Variants in ST8SIA6 observed in about 807,000 individuals in gnomAD.
ST8SIA6 encodes the protein ST8 alpha-N-acetyl-neuraminide alpha-2,8-sialyltransferase 6, also known as alpha-2,8-sialyltransferase 8F.
Under a neutral mutation model 33.6 loss-of-function variants are expected in ST8SIA6, and 39 were observed. The observed-to-expected ratio is 1.16, with a 90% CI of 0.90 to 1.52. ST8SIA6 has a LOEUF of 1.52. Ranked by LOEUF, ST8SIA6 falls within the 40% of genes most tolerant of loss-of-function variation. ST8SIA6 has a pLI of 0.00. For synonymous variants in ST8SIA6, 172 were observed against 167.2 expected, an observed-to-expected ratio of 1.03 and a Z score of -0.22; for missense variants, 441 against 443.8, an observed-to-expected ratio of 0.99 and a Z score of 0.06.
chr10:17,421,342 A>G (rs1201670076), intron 2 of ST8SIA6, among the ~76,000 whole-genome samples: 2 of 152,132 alleles, frequency 1.3e-5, no homozygotes, highest in Admixed American at 6.5e-5. Flanking sequence ...GCACTTCCTA[A>G]TAAGTGTCCT....
chr10:17,401,654 A>G (rs2131679479), intron 2 of ST8SIA6, among the ~76,000 whole-genome samples: 1 of 152,368 alleles, frequency 6.6e-6, no homozygotes, highest in Middle Eastern at 3.4e-3. Context: ...GATCTTTGAC[A>G]AACCTGACAA....
chr10:17,337,659 C>A (rs562219539), intron 4 of ST8SIA6, among the ~76,000 whole-genome samples: 7 of 152,278 alleles, frequency 4.6e-5, no homozygotes, highest in African/African-American at 1.2e-4. Flanking sequence ...CTGCTTACAA[C>A]AAATAAAACA....
At chr10:17,434,305 C>T (rs923399487) in intron 2 of ST8SIA6, among the ~76,000 whole-genome samples, 54 of 152,172 alleles carry the variant, frequency 3.5e-4, no homozygotes, top group African/African-American at 1.2e-3. Context: ...CACTGCAGAT[C>T]TGGACCTAGC....
intron 3 of ST8SIA6, among the ~76,000 whole-genome samples, chr10:17,389,948 A>C (rs951731211): frequency 6.6e-6 from 1 of 152,058 alleles, no homozygotes; most frequent in African/African-American, 2.4e-5. Flanking sequence ...CAACCTCCTG[A>C]GTAGCTGAAA....
intron 2 of ST8SIA6, among the ~76,000 whole-genome samples, chr10:17,439,271 CTT>C (rs146928120): frequency 0.04 from 4,980 of 124,180 alleles, 251 homozygotes; most frequent in African/African-American, 0.14. Flanking sequence ...TCTTCCCTCT[CTT>C]TTTTTTTTTT....
intron 2 of ST8SIA6, among the ~76,000 whole-genome samples, chr10:17,400,330 G>A (rs567000042): frequency 2.1e-3 from 323 of 152,228 alleles, no homozygotes; most frequent in African/African-American, 7.4e-3. Context: ...GTCAGAGTTC[G>A]AGACCAGCCT....
At chr10:17,361,090 C>CTA (rs1849372073) in intron 3 of ST8SIA6, among the ~76,000 whole-genome samples, 1 of 151,918 alleles carries the variant, frequency 6.6e-6, no homozygotes, top group African/African-American at 2.4e-5. Context: ...GTTAGAAGGG[C>CTA]TATATTCATA....
intron 5 of ST8SIA6, 92 bp from the exon 6 acceptor site, chr10:17,327,218 AT>A (rs1848161610): frequency 1.1e-6 from 1 of 899,360 alleles, no homozygotes; most frequent in African/African-American, 1.7e-5. Context: ...CTCTTTATAC[AT>A]GCTAAGGAGA....
At chr10:17,329,658 CAT>C (rs1434920720) in intron 5 of ST8SIA6, among the ~76,000 whole-genome samples, 1 of 152,146 alleles carries the variant, frequency 6.6e-6, no homozygotes, top group African/African-American at 2.4e-5. Flanking sequence ...CTGAAGGAAA[CAT>C]ATCTCAAATT....
intron 4 of ST8SIA6, among the ~76,000 whole-genome samples, chr10:17,337,285 T>C (rs990303773): frequency 2.6e-5 from 4 of 152,158 alleles, no homozygotes; most frequent in African/African-American, 9.7e-5. Flanking sequence ...CTCTTTTCCT[T>C]ATAAATTACC....
chr10:17,399,197 A>C (rs1477756983), intron 2 of ST8SIA6: 3 of 152,200 alleles, frequency 2.0e-5, no homozygotes, highest in African/African-American at 7.2e-5. Context: ...TCTGTGCCAG[A>C]GAATGGTAAG....
intron 2 of ST8SIA6, among the ~76,000 whole-genome samples, chr10:17,394,947 T>G (rs992541136): frequency 6.6e-6 from 1 of 152,170 alleles, no homozygotes; most frequent in East Asian, 1.9e-4. Flanking sequence ...TGGGCTGATT[T>G]GTAAGCCCAG....
Position 17,341,234 on chromosome 10 carries a change from A to T in ST8SIA6, c.378-9682T>A, listed in dbSNP as rs573786861. Among the ~76,000 whole-genome samples, 31 of 152,332 alleles carry T rather than the reference A, an allele frequency of 2.0e-4. 1 individual carries two copies. The highest frequency in any genetic ancestry group is 7.5e-4 in the African/African-American group (31 of 41,564). On this transcript the variant is annotated intron_variant, in intron 4 of 7. Transcript: ENST00000377602. ...ATACAACTCTATAATGTTCAAAACC[A>T]TGCCTAGTGTGCTTGGATCTGTTGT...
At chr10:17,324,686 G>C (rs1166410886) in intron 6 of ST8SIA6, among the ~76,000 whole-genome samples, 1 of 136,096 alleles carries the variant, frequency 7.3e-6, no homozygotes, top group Non-Finnish European at 1.5e-5. Context: ...CTGATGCCAG[G>C]TATTTTCCTG....
chr10:17,379,858 A>C (rs1449043790), intron 3 of ST8SIA6, among the ~76,000 whole-genome samples: 1 of 152,080 alleles, frequency 6.6e-6, no homozygotes, highest in Non-Finnish European at 1.5e-5. Context: ...ATTAACTGAG[A>C]TCTGTCTCTG....
At chr10:17,341,900 C>CAAAAAAAAAAAAAAAAAAAAAAAAAAAA (rs71393004) in intron 4 of ST8SIA6, among the ~76,000 whole-genome samples, 2 of 73,164 alleles carry the variant, frequency 2.7e-5, no homozygotes, top group African/African-American at 5.7e-5. Context: ...GGCTCCATCT[C>CAAAAAAAAAAAAAAAAAAAAAAAAAAAA]AAAAAAAAAA....
intron 4 of ST8SIA6, among the ~76,000 whole-genome samples, chr10:17,358,906 A>G (rs10904934): frequency 0.35 from 53,253 of 152,014 alleles, 9,589 homozygotes; most frequent in East Asian, 0.6. Flanking sequence ...GGTAAGAACT[A>G]TCAGATAAGT....
chr10:17,453,677 A>G lies in ST8SIA6; in HGVS notation c.102-20T>C. 1 of 1,294,734 alleles carries G rather than the reference A, an allele frequency of 7.7e-7. No homozygotes were observed. The highest frequency in any genetic ancestry group is 9.9e-7 in the Non-Finnish European group (1 of 1,012,542). 80.2% of individuals were successfully genotyped at this position (1,294,734 alleles called of 1,614,324 possible). ...AGAATCCTGCACAGCCGGGGAGAAA[A>G]CTTAAGTTGCTACACCCCGCCGGGA... On this transcript the variant is annotated intron_variant, in intron 1 of 7. Transcript: ENST00000377602.
intron 3 of ST8SIA6, among the ~76,000 whole-genome samples, chr10:17,370,352 A>G (rs1485804845): frequency 6.6e-6 from 1 of 151,864 alleles, no homozygotes; most frequent in African/African-American, 2.4e-5. Flanking sequence ...ATATAGTTAG[A>G]TTTATGTCTG....
Sources: gnomAD v4.1 joint callset for allele counts (sites outside exome capture counted in the v4.1 genomes callset) on GRCh38, gnomAD v4.1.1 for gene constraint, MANE v1.5 for transcripts, NCBI Gene and HGNC (gene_info 2026-07-23, HGNC 2026-07-21) for gene names.